Variants in BMP6 observed in about 807,000 individuals in gnomAD.
The protein encoded by BMP6 is bone morphogenetic protein 6.
In BMP6, 17 loss-of-function variants were observed where a neutral mutation model predicts 54.1. The observed-to-expected ratio is 0.31, with a 90% confidence interval of 0.22 to 0.47. BMP6 has a LOEUF of 0.47. BMP6 is among the 20% of genes least tolerant of loss of function. The probability of loss-of-function intolerance (pLI) is 1.00; values close to 1 mark genes in which losing one functional copy is unlikely to be tolerated. For missense variants in BMP6, 720 were observed against 690.4 expected (o/e 1.04, Z -0.48); for synonymous variants, 328 against 291.2 (o/e 1.13, Z -1.28).
intron 1 of BMP6, among the ~76,000 whole-genome samples, chr6:7,735,774 A>G (rs939996783): frequency 2.0e-5 from 3 of 152,206 alleles, no homozygotes; most frequent in African/African-American, 7.2e-5. Flanking sequence ...CTGTAGTTAC[A>G]TCCCGGTTCA....
chr6:7,733,361 T>A (rs1215850302), intron 1 of BMP6, among the ~76,000 whole-genome samples: 1 of 152,284 alleles, frequency 6.6e-6, no homozygotes, highest in Non-Finnish European at 1.5e-5. Context: ...GACAATATTT[T>A]AATTAGACAA....
intron 1 of BMP6, among the ~76,000 whole-genome samples, chr6:7,740,500 A>G (rs141128162): frequency 4.9e-4 from 75 of 152,336 alleles, no homozygotes; most frequent in African/African-American, 1.7e-3. Flanking sequence ...TTTAATCATT[A>G]GATTCCATTT....
At chr6:7,800,263 G>A (rs1249993163) in intron 1 of BMP6, among the ~76,000 whole-genome samples, 1 of 152,162 alleles carries the variant, frequency 6.6e-6, no homozygotes, top group African/African-American at 2.4e-5. Flanking sequence ...ACTTCACAGT[G>A]AGTAGTGGAG....
chr6:7,853,224 A>T lies in BMP6; in HGVS notation c.857+7892A>T, dbSNP rs1019084562. ...AAGTGTGTTTTTTAGTTAATTCAGT[A>T]TTTTTTTTAGTGGGAATGTTAGTTT... On this transcript the variant is annotated intron_variant, in intron 2 of 6. Transcript: ENST00000283147. 1.8e-4 allele frequency among the ~76,000 whole-genome samples: 28 copies of T among 151,860 alleles called. 1 individual carries two copies. Among genetic ancestry groups the T allele is most frequent in the Non-Finnish European group, 1.5e-5 (1 of 67,966 alleles).
At chr6:7,865,514 A>G (rs1199550167) in intron 4 of BMP6, among the ~76,000 whole-genome samples, 2 of 152,164 alleles carry the variant, frequency 1.3e-5, no homozygotes, top group East Asian at 3.9e-4. Context: ...TTTCTTCCTT[A>G]TCTATTCTTC....
intron 4 of BMP6, among the ~76,000 whole-genome samples, chr6:7,878,145 C>A (rs535770309): frequency 3.3e-5 from 5 of 152,302 alleles, no homozygotes; most frequent in African/African-American, 1.2e-4. Flanking sequence ...TTGCCTATGG[C>A]CCTTGCCTGT....
chr6:7,739,523 T>A (rs189718035), intron 1 of BMP6, among the ~76,000 whole-genome samples: 1 of 152,320 alleles, frequency 6.6e-6, no homozygotes, highest in Non-Finnish European at 1.5e-5. Context: ...CAGCTGCAGA[T>A]ACATAAAAGT....
intron 1 of BMP6, among the ~76,000 whole-genome samples, chr6:7,770,417 G>A (rs2113154169): frequency 6.6e-6 from 1 of 152,180 alleles, no homozygotes; most frequent in East Asian, 1.9e-4. Flanking sequence ...TCTGTCTCTG[G>A]GCCTTGTGAC....
intron 1 of BMP6, among the ~76,000 whole-genome samples, chr6:7,765,834 T>C (rs1188680838): frequency 6.6e-6 from 1 of 152,252 alleles, no homozygotes; most frequent in African/African-American, 2.4e-5. Context: ...CCTCGCTGTT[T>C]CCAGTTCCTA....
At chr6:7,788,467 AG>A (rs1196353949) in intron 1 of BMP6, among the ~76,000 whole-genome samples, 1 of 152,198 alleles carries the variant, frequency 6.6e-6, no homozygotes, top group Non-Finnish European at 1.5e-5. Context: ...TTCTATGTCT[AG>A]GCTCAACAAC....
chr6:7,868,371 G>T (rs965537824), intron 4 of BMP6, among the ~76,000 whole-genome samples: 3 of 152,030 alleles, frequency 2.0e-5, no homozygotes, highest in Non-Finnish European at 4.4e-5. Context: ...CAAAACCCCA[G>T]TGTGGTCCCT....
At chr6:7,813,864 T>G (rs1232348606) in intron 1 of BMP6, among the ~76,000 whole-genome samples, 1 of 152,186 alleles carries the variant, frequency 6.6e-6, no homozygotes. Flanking sequence ...CTCCCTTTTC[T>G]GATTTCCTCT....
chr6:7,800,793 C>G lies in BMP6; in HGVS notation c.665-44347C>G, dbSNP rs537071549. Among the ~76,000 whole-genome samples, 47 of 151,014 alleles carry G rather than the reference C, an allele frequency of 3.1e-4. No individual in the cohort carries two copies. In the South Asian group the frequency reaches 9.8e-3, roughly 31 times the overall value. On this transcript the variant is annotated intron_variant, in intron 1 of 6. Coordinates refer to ENST00000283147, the MANE Select transcript of BMP6 (RefSeq NM_001718.6). Reference sequence around the variant, plus strand: ...CCAATAAATTGATTCATTAAAACTTCATTAATTTAAGGAAATTATATTTAA... The same window carrying G: ...CCAATAAATTGATTCATTAAAACTTGATTAATTTAAGGAAATTATATTTAA...
At chr6:7,743,745 A>G (rs1179141880) in intron 1 of BMP6, among the ~76,000 whole-genome samples, 1 of 152,194 alleles carries the variant, frequency 6.6e-6, no homozygotes. Flanking sequence ...CAAATAAAAT[A>G]TGTCACCAGA....
chr6:7,850,155 G>A (rs772493485), intron 2 of BMP6, among the ~76,000 whole-genome samples: 21 of 151,928 alleles, frequency 1.4e-4, no homozygotes, highest in East Asian at 1.9e-4. Context: ...TTGTTTGTTC[G>A]TTTTTGAGGC....
intron 1 of BMP6, among the ~76,000 whole-genome samples, chr6:7,735,477 T>A (rs866021403): frequency 3.3e-5 from 5 of 152,238 alleles, no homozygotes. Context: ...ACTACAAAAT[T>A]AAGGACTAAA....
chr6:7,798,131 G>A (rs1758217573), intron 1 of BMP6, among the ~76,000 whole-genome samples: 1 of 152,220 alleles, frequency 6.6e-6, no homozygotes, highest in Non-Finnish European at 1.5e-5. Context: ...GTACCAAGGA[G>A]ACCAAGTCTT....
intron 1 of BMP6, among the ~76,000 whole-genome samples, chr6:7,815,385 G>A (rs80196100): frequency 0.029 from 4,377 of 152,298 alleles, 81 homozygotes; most frequent in Non-Finnish European, 0.044. Flanking sequence ...CCACTGATAA[G>A]CTTTAAGAAT....
At chr6:7,789,534 G>A (rs1462200523) in intron 1 of BMP6, among the ~76,000 whole-genome samples, 5 of 152,234 alleles carry the variant, frequency 3.3e-5, no homozygotes, top group African/African-American at 1.2e-4. Flanking sequence ...AGACCCATGA[G>A]ACGGTAATTC....
Sources: allele counts gnomAD v4.1 joint callset (sites outside exome capture counted in the v4.1 genomes callset), GRCh38; gene constraint gnomAD v4.1.1; transcripts MANE v1.5; gene names NCBI Gene and HGNC (gene_info 2026-07-23, HGNC 2026-07-21).